Variants in LDLRAD4 observed in about 807,000 individuals in gnomAD.
LDLRAD4 encodes low density lipoprotein receptor class A domain containing 4.
A neutral mutation model predicts 17.0 loss-of-function variants in LDLRAD4; 5 were observed. That is an observed-to-expected ratio of 0.29 (90% CI 0.15 to 0.62). LDLRAD4 has a LOEUF of 0.62. Ranked by LOEUF, LDLRAD4 falls within the 20% of genes least tolerant of loss-of-function variation. The pLI is 0.84. For missense variants in LDLRAD4, 340 were observed against 424.7 expected (o/e 0.80, Z 1.75); for synonymous variants, 168 against 171.8 (o/e 0.98, Z 0.17).
intron 4 of LDLRAD4, among the ~76,000 whole-genome samples, chr18:13,630,631 C>T (rs1414984037): frequency 6.6e-6 from 1 of 152,138 alleles, no homozygotes; most frequent in Non-Finnish European, 1.5e-5. Context: ...CGCAGACTGA[C>T]CGAGGTGCCT....
At chr18:13,501,402 T>C (rs1309872830) in intron 3 of LDLRAD4, 1 of 152,182 alleles carries the variant, frequency 6.6e-6, no homozygotes, top group African/African-American at 2.4e-5. Flanking sequence ...CCGATTGCCA[T>C]GCTAAGCAAG....
intron 1 of LDLRAD4, among the ~76,000 whole-genome samples, chr18:13,379,882 C>T (rs2085206983): frequency 6.6e-6 from 1 of 152,244 alleles, no homozygotes; most frequent in Admixed American, 6.5e-5. Flanking sequence ...TTCTTGTTTG[C>T]CTGTCATGCC....
chr18:13,529,665 A>G (rs2094096687), intron 3 of LDLRAD4, among the ~76,000 whole-genome samples: 1 of 152,252 alleles, frequency 6.6e-6, no homozygotes. Flanking sequence ...CTCCAGTGTG[A>G]AAAACACTGA....
chr18:13,269,068 A>T (rs2044376364), intron 1 of LDLRAD4, among the ~76,000 whole-genome samples: 2 of 152,244 alleles, frequency 1.3e-5, no homozygotes, highest in South Asian at 4.1e-4. Flanking sequence ...GAAACCAGTA[A>T]ATCAGTTTAC....
upstream of LDLRAD4, among the ~76,000 whole-genome samples, chr18:13,273,873 C>T (rs1395517113): frequency 6.6e-6 from 1 of 152,196 alleles, no homozygotes; most frequent in Non-Finnish European, 1.5e-5. Context: ...CCCACTCTGC[C>T]TCTTCTTGCT....
intron 3 of LDLRAD4, among the ~76,000 whole-genome samples, chr18:13,447,736 A>C (rs1600355602): frequency 6.6e-6 from 1 of 152,214 alleles, no homozygotes; most frequent in African/African-American, 2.4e-5. Flanking sequence ...CTGCTTCGCA[A>C]AGGGAAAGAG....
intron 3 of LDLRAD4, among the ~76,000 whole-genome samples, chr18:13,578,825 G>GTTTTTTTTTTTTTTTTTTTTTTTTTTT (rs1286958694): frequency 2.0e-5 from 1 of 49,886 alleles, no homozygotes. Flanking sequence ...AGTTGTCCGG[G>GTTTTTTTTTTTTTTTTTTTTTTTTTTT]TCTTTTTTTT....
upstream of LDLRAD4, among the ~76,000 whole-genome samples, chr18:13,276,863 G>C (rs986971812): frequency 2.0e-5 from 3 of 152,190 alleles, no homozygotes; most frequent in African/African-American, 7.2e-5. Context: ...AGTCACCTTA[G>C]AATTCTGCCC....
At chr18:13,380,170 A>T (rs1438709692) in intron 1 of LDLRAD4, among the ~76,000 whole-genome samples, 1 of 152,220 alleles carries the variant, frequency 6.6e-6, no homozygotes, top group Non-Finnish European at 1.5e-5. Context: ...CTCAGGGATC[A>T]TCTGCCCCTG....
chr18:13,226,180 C>CTTTTTTGTTTTTTTTTT (rs2041783250), intron 1 of LDLRAD4, among the ~76,000 whole-genome samples: 1 of 52,184 alleles, frequency 1.9e-5, no homozygotes. Flanking sequence ...CCATGCCTTG[C>CTTTTTTGTTTTTTTTTT]TTTTTTTTTT....
intron 3 of LDLRAD4, among the ~76,000 whole-genome samples, chr18:13,468,564 G>A (rs558909145): frequency 1.3e-3 from 199 of 152,038 alleles, no homozygotes; most frequent in Non-Finnish European, 1.8e-3. Context: ...TGTTTATTGC[G>A]GCACTATTCA....
intron 2 of LDLRAD4, among the ~76,000 whole-genome samples, chr18:13,392,552 C>T (rs1051127463): frequency 1.3e-5 from 2 of 152,136 alleles, no homozygotes; most frequent in East Asian, 3.8e-4. Flanking sequence ...TCCCAGGTGC[C>T]GTCATAGTGG....
In LDLRAD4 at chr18:13,554,799, A is replaced by G. The variant is rs542830378; in HGVS notation, c.182-66318A>G. On this transcript the variant is annotated intron_variant, in intron 3 of 5. Coordinates refer to ENST00000359446, the Ensembl canonical transcript of LDLRAD4. The stretch of plus-strand genomic sequence containing the variant: ...AATTTATGTAGACACTCTGCCCTCA[A>G]AGAGGGAGCCTAACCCTGGCTCCTG... Among the ~76,000 whole-genome samples the G allele has an allele frequency of 2.0e-5, 3 of 152,266 alleles. No homozygotes were observed. In the East Asian group the frequency reaches 5.8e-4, roughly 29 times the overall value.
At chr18:13,585,514 G>T (rs1217374554) in intron 3 of LDLRAD4, 4 of 152,190 alleles carry the variant, frequency 2.6e-5, no homozygotes, top group Non-Finnish European at 5.9e-5. Flanking sequence ...CTGATGATTA[G>T]TAATTTTGGC....
intron 1 of LDLRAD4, among the ~76,000 whole-genome samples, chr18:13,332,417 T>C (rs1320571205): frequency 6.6e-6 from 1 of 152,214 alleles, no homozygotes; most frequent in African/African-American, 2.4e-5. Flanking sequence ...ACATCATCAC[T>C]GAAAGTTCAT....
chr18:13,529,137 C>G (rs114406767), intron 3 of LDLRAD4, among the ~76,000 whole-genome samples: 1 of 152,096 alleles, frequency 6.6e-6, no homozygotes, highest in Admixed American at 6.5e-5. Flanking sequence ...GGTTAAGGAG[C>G]TCACTGTCTG....
intron 3 of LDLRAD4, among the ~76,000 whole-genome samples, chr18:13,480,939 C>T (rs998085415): frequency 6.6e-6 from 1 of 152,204 alleles, no homozygotes; most frequent in Non-Finnish European, 1.5e-5. Flanking sequence ...AGTGTGTCAG[C>T]ATCTAAGAAA....
chr18:13,513,937 C>G (rs1195174884), intron 3 of LDLRAD4, among the ~76,000 whole-genome samples: 1 of 152,166 alleles, frequency 6.6e-6, no homozygotes, highest in Non-Finnish European at 1.5e-5. Context: ...TAGGCTTTTT[C>G]AGCTAGAAGG....
intron 3 of LDLRAD4, among the ~76,000 whole-genome samples, chr18:13,466,386 C>T (rs1401312734): frequency 6.6e-6 from 1 of 150,758 alleles, no homozygotes; most frequent in Non-Finnish European, 1.5e-5. Flanking sequence ...GGGAGGATCA[C>T]CTGAGCCTAA....
Sources: allele counts gnomAD v4.1 joint callset (sites outside exome capture counted in the v4.1 genomes callset), GRCh38; gene constraint gnomAD v4.1.1; transcripts MANE v1.5; gene names NCBI Gene and HGNC (gene_info 2026-07-23, HGNC 2026-07-21).